Variants in ZNF26 observed in about 807,000 individuals in gnomAD.
ZNF26 encodes the protein epididymis luminal protein 179.
ZNF26 carries 32 observed loss-of-function variants against 54.9 expected under a neutral mutation model. The observed-to-expected ratio is 0.58, with a 90% CI of 0.44 to 0.78. The LOEUF (loss-of-function observed/expected upper bound fraction) is 0.78, where lower values mean the gene tolerates loss of function less well. ZNF26 is among the 30% of genes least tolerant of loss of function. ZNF26 has a pLI of 0.00. For synonymous variants in ZNF26, 221 were observed against 209.2 expected (o/e 1.06, Z -0.49); for missense variants, 524 against 634.0 (o/e 0.83, Z 1.86).
rs951128381 is a variant in ZNF26, at chr12:133,010,673, A to G, written c.794A>G (p.Lys265Arg). Residue 265 changes from lysine (K) to arginine (R), a missense_variant, in exon 4 of 4, where the codon AAA becomes AGA. Physicochemically the swap from Lys to Arg is conservative, Grantham distance 26 (BLOSUM62 2). Transcript: ENST00000328654. ...CCCTATGGCTGCAGTGAATGTGGGA[A>G]AGCCTACAGTTGGAAATCACAGCTT... ...GKPYGCSECG[K>R]AYSWKSQLLL... 13 of 1,614,174 alleles carry G rather than the reference A, an allele frequency of 8.1e-6. No homozygotes were observed. In the Middle Eastern group the frequency reaches 2.0e-3, roughly 246 times the overall value.
At chr12:133,007,578 G>A in intron 3 of ZNF26, 46 bp downstream of exon 3, 2 of 1,403,246 alleles carry the variant, frequency 1.4e-6, no homozygotes, top group South Asian at 2.4e-5. Flanking sequence ...GGAGTGAGCT[G>A]ATGAGTACCT....
At chr12:133,006,989 C>T (rs1953346355) in intron 1 of ZNF26, 53 bp from the exon 2 acceptor site, 6 of 1,604,016 alleles carry the variant, frequency 3.7e-6, no homozygotes, top group Non-Finnish European at 5.1e-6. Flanking sequence ...TGCATCTTTT[C>T]CATGTCACCT....
rs1953574553 is a variant in ZNF26 at position 133,016,886 on chromosome 12, T to A, written c.*5405T>A. On this transcript the variant is annotated 3_prime_UTR_variant, in exon 4 of 4. Coordinates refer to ENST00000328654, the MANE Select transcript of ZNF26 (RefSeq NM_019591.4). ...TATTAGTTGAAAGTCTGATATTTTA[T>A]CATTGAGTTGCCCTTTTCCAATTTT... The A allele has an allele frequency of 6.6e-6, 1 of 152,200 alleles. No homozygotes were observed. The highest frequency in any genetic ancestry group is 2.4e-5 in the African/African-American group (1 of 41,446). The allele number at this position is 152,200 out of a possible 1,614,324, so 9.4% of individuals were successfully genotyped here.
chr12:132,987,115 G>T (rs1446503700), intron 1 of ZNF26, among the ~76,000 whole-genome samples: 3 of 152,162 alleles, frequency 2.0e-5, no homozygotes, highest in Non-Finnish European at 4.4e-5. Context: ...CCAGCTGCGG[G>T]CCCTGAAGTC....
chr12:132,997,990 A>G (rs1020350696), intron 1 of ZNF26, among the ~76,000 whole-genome samples: 27 of 152,210 alleles, frequency 1.8e-4, no homozygotes, highest in Admixed American at 6.5e-4. Flanking sequence ...AGAATCTAAA[A>G]TTTTCTCTCT....
At chr12:132,999,906 A>G (rs1006274432) in intron 1 of ZNF26, among the ~76,000 whole-genome samples, 1 of 151,974 alleles carries the variant, frequency 6.6e-6, no homozygotes, top group East Asian at 1.9e-4. Context: ...CTGACCTCAA[A>G]TGATCTGCCC....
rs150395603 is a variant in ZNF26, at chr12:132,989,028, A to ATTTTTTTT, written c.33+2176_33+2183dup. Among the ~76,000 whole-genome samples, 13 of 78,850 alleles carry ATTTTTTTT rather than the reference A, an allele frequency of 1.6e-4. 2 individuals are homozygous for ATTTTTTTT. The highest frequency in any genetic ancestry group is 2.5e-4 in the African/African-American group (5 of 20,090). The allele number at this position is 78,850 out of a possible 152,430, so 51.7% of individuals were successfully genotyped here. A position where few individuals can be genotyped will look rare whatever the true frequency, so the allele number is the denominator to read the frequency against. ...TGTAGTTCCAGGAGTCTTTCGGTGA[A>ATTTTTTTT]TTTTTTTTTTTTTTTTTTTTTTTTT... On this transcript the variant is annotated intron_variant, in intron 1 of 3. Coordinates refer to ENST00000328654, the MANE Select transcript of ZNF26 (RefSeq NM_019591.4).
intron 1 of ZNF26, among the ~76,000 whole-genome samples, chr12:132,991,339 T>C (rs1336069452): frequency 2.0e-5 from 3 of 149,276 alleles, no homozygotes; most frequent in Non-Finnish European, 3.0e-5. Context: ...CTACTAAAAA[T>C]ACAAAAGTTA....
intron 1 of ZNF26, among the ~76,000 whole-genome samples, chr12:132,992,553 T>C (rs1391706871): frequency 6.6e-6 from 1 of 152,232 alleles, no homozygotes; most frequent in Admixed American, 6.5e-5. Context: ...GTTTCATATA[T>C]AGATGCTCCT....
rs1231008005 is a variant in ZNF26 at position 133,001,486 on chromosome 12, T to A, written c.34-5556T>A. On this transcript the variant is annotated intron_variant, in intron 1 of 3. Coordinates refer to ENST00000328654, the MANE Select transcript of ZNF26 (RefSeq NM_019591.4). This position sits in a 1 kb window ranked among gnomAD's most constrained non-coding sequence, Gnocchi z 4.7. Reference sequence around the variant, plus strand: ...GTGCGGTGGTCAGTACCCAGAGTTATGACAGGCATCAGTGGGGCTTGGTTG... The same window carrying A: ...GTGCGGTGGTCAGTACCCAGAGTTAAGACAGGCATCAGTGGGGCTTGGTTG... 1 of 367,020 alleles carries A rather than the reference T, an allele frequency of 2.7e-6. No homozygotes were observed. Among genetic ancestry groups the A allele is most frequent in the African/African-American group, 2.1e-5 (1 of 46,610 alleles). 22.7% of individuals were successfully genotyped at this position (367,020 alleles called of 1,614,324 possible).
chr12:133,007,932 T>C (rs953334169), intron 3 of ZNF26, among the ~76,000 whole-genome samples: 2 of 152,178 alleles, frequency 1.3e-5, no homozygotes, highest in Non-Finnish European at 2.9e-5. Context: ...CACAGTTAAA[T>C]CCCCTAGACT....
intron 1 of ZNF26, among the ~76,000 whole-genome samples, chr12:132,991,554 T>C (rs1435761339): frequency 6.6e-5 from 10 of 151,354 alleles, no homozygotes; most frequent in African/African-American, 2.4e-4. Flanking sequence ...CCCAGCACTT[T>C]GGGAGACTGA....
chr12:133,001,228 C>G lies in ZNF26; in HGVS notation c.34-5814C>G, dbSNP rs994554714. Among the ~76,000 whole-genome samples, 14 of 152,174 alleles carry G rather than the reference C, an allele frequency of 9.2e-5. No homozygotes were observed. The highest frequency in any genetic ancestry group is 4.8e-5 in the African/African-American group (2 of 41,442). ...CGTCGTGAGGAGAGCTGATGATGCT[C>G]TGGTCACAGCCTTGTTTGTTATTGA... On this transcript the variant is annotated intron_variant, in intron 1 of 3. Coordinates refer to ENST00000328654, the MANE Select transcript of ZNF26 (RefSeq NM_019591.4). The surrounding 1 kb of genome is among the most constrained non-coding windows in gnomAD (Gnocchi z 4.7).
At position 133,022,853 on chromosome 12, in the gene ZNF26, A is replaced by T. The variant is rs1219227933; in HGVS notation, c.*11372A>T. ...GTATGTAGTATAACATCTTTGTTAA[A>T]GGCCAAGATAAAGCAAAATGGAGTT... On this transcript the variant is annotated 3_prime_UTR_variant, in exon 4 of 4. Coordinates refer to ENST00000328654, the MANE Select transcript of ZNF26 (RefSeq NM_019591.4). The T allele has an allele frequency of 1.3e-5, 2 of 152,210 alleles. No individual in the cohort carries two copies. The highest frequency in any genetic ancestry group is 2.9e-5 in the Non-Finnish European group (2 of 68,034). The allele number at this position is 152,210 out of a possible 1,614,324, so 9.4% of individuals were successfully genotyped here.
Position 132,986,834 on chromosome 12 carries a change from C to T in ZNF26, c.-7C>T. 1 of 1,604,708 alleles carries T rather than the reference C, an allele frequency of 6.2e-7. No individual in the cohort carries two copies. The highest frequency in any genetic ancestry group is 1.7e-5 in the Admixed American group (1 of 58,578). On this transcript the variant is annotated 5_prime_UTR_variant, in exon 1 of 4. Transcript: ENST00000328654. ...CCCGCAGGCAGCGCGCGAACGTGGG[C>T]GTGGGGATGGCCACCAGTTTCCGGA... is the stretch of plus-strand genomic sequence containing the variant.
At chr12:133,008,014 C>A (rs930341531) in intron 3 of ZNF26, among the ~76,000 whole-genome samples, 12 of 152,060 alleles carry the variant, frequency 7.9e-5, no homozygotes, top group African/African-American at 2.4e-4. Context: ...TTCCCTTTTG[C>A]GTTGTCCAGA....
intron 1 of ZNF26, among the ~76,000 whole-genome samples, chr12:132,988,006 T>A (rs1042453402): frequency 6.6e-6 from 1 of 152,236 alleles, no homozygotes; most frequent in East Asian, 1.9e-4. Context: ...AGCTTTGTAA[T>A]AAGTCTTTTT....
chr12:132,986,834 C>A lies in ZNF26; in HGVS notation c.-7C>A. 6.2e-7 allele frequency: 1 copy of A among 1,604,708 alleles called. No homozygotes were observed. ...CCCGCAGGCAGCGCGCGAACGTGGG[C>A]GTGGGGATGGCCACCAGTTTCCGGA... On this transcript the variant is annotated 5_prime_UTR_variant, in exon 1 of 4. Coordinates refer to ENST00000328654, the MANE Select transcript of ZNF26 (RefSeq NM_019591.4).
rs2137279896 is a variant in ZNF26, at chr12:133,020,039, T to A, written c.*8558T>A. On this transcript the variant is annotated 3_prime_UTR_variant, in exon 4 of 4. Transcript: ENST00000328654. The stretch of plus-strand genomic sequence containing the variant: ...TGAACCCGGGAGGCGGAGGTTGCAG[T>A]GAGTTGAGATTGAACTGCTGCCCTC... 1 of 152,186 alleles carries A rather than the reference T, an allele frequency of 6.6e-6. No individual in the cohort carries two copies. Among genetic ancestry groups the A allele is most frequent in the South Asian group, 2.1e-4 (1 of 4,820 alleles). 9.4% of individuals were successfully genotyped at this position (152,186 alleles called of 1,614,324 possible).
Sources: allele counts gnomAD v4.1 joint callset (sites outside exome capture counted in the v4.1 genomes callset), GRCh38; gene constraint gnomAD v4.1.1; non-coding constraint Gnocchi (gnomAD v3.1); transcripts MANE v1.5; gene names NCBI Gene and HGNC (gene_info 2026-07-23, HGNC 2026-07-21).